Variants in TBC1D22A observed in about 807,000 individuals in gnomAD.
The protein encoded by TBC1D22A is TBC1 domain family member 22A, also known as putative GTPase activator.
Under a neutral mutation model 60.2 loss-of-function variants are expected in TBC1D22A, and 38 were observed. That is an observed-to-expected ratio of 0.63 (90% CI 0.49 to 0.83). The LOEUF (loss-of-function observed/expected upper bound fraction) is 0.83, where lower values mean the gene tolerates loss of function less well. TBC1D22A is among the 40% of genes least tolerant of loss of function. The probability of loss-of-function intolerance (pLI) is 0.00; values close to 1 mark genes in which losing one functional copy is unlikely to be tolerated. For missense variants in TBC1D22A, 628 were observed against 701.0 expected (o/e 0.90, Z 1.18); for synonymous variants, 302 against 281.7 (o/e 1.07, Z -0.72).
chr22:46,810,751 C>G (rs948781142), intron 4 of TBC1D22A, among the ~76,000 whole-genome samples: 3 of 152,122 alleles, frequency 2.0e-5, no homozygotes, highest in African/African-American at 7.2e-5. Flanking sequence ...ACAATAATTA[C>G]ATAATTGGCG....
chr22:46,926,812 A>G (rs1185991778), intron 8 of TBC1D22A, among the ~76,000 whole-genome samples: 1 of 152,188 alleles, frequency 6.6e-6, no homozygotes, highest in Non-Finnish European at 1.5e-5. Context: ...AGTCCCTACA[A>G]TTGTGTGAGC....
At chr22:46,784,318 C>G (rs1474181153) in intron 1 of TBC1D22A, among the ~76,000 whole-genome samples, 2 of 152,148 alleles carry the variant, frequency 1.3e-5, no homozygotes, top group African/African-American at 4.8e-5. Flanking sequence ...CCGCCAGCCT[C>G]CCAAAGTGCT....
At chr22:46,989,547 G>A (rs980475689) in intron 9 of TBC1D22A, among the ~76,000 whole-genome samples, 11 of 152,250 alleles carry the variant, frequency 7.2e-5, no homozygotes, top group Admixed American at 5.2e-4. Context: ...AGGAAGGCCC[G>A]AGGAGAGGGA....
intron 4 of TBC1D22A, among the ~76,000 whole-genome samples, chr22:46,827,878 G>C (rs16995758): frequency 0.031 from 4,690 of 152,250 alleles, 232 homozygotes; most frequent in African/African-American, 0.1. Flanking sequence ...TCTCAACCAC[G>C]TGAGCAGCGT....
At chr22:47,072,425 G>A (rs1264787665) in intron 11 of TBC1D22A, among the ~76,000 whole-genome samples, 1 of 152,268 alleles carries the variant, frequency 6.6e-6, no homozygotes, top group Non-Finnish European at 1.5e-5. Context: ...CAGCAGTGCA[G>A]TGCCTGGGCC....
At chr22:46,790,122 G>A (rs983428988) in intron 1 of TBC1D22A, among the ~76,000 whole-genome samples, 19 of 151,796 alleles carry the variant, frequency 1.3e-4, no homozygotes, top group African/African-American at 4.1e-4. Flanking sequence ...TGTGGGTCTC[G>A]CTGGGCTAAC....
intron 5 of TBC1D22A, among the ~76,000 whole-genome samples, chr22:46,890,826 A>G (rs1338469860): frequency 6.6e-6 from 1 of 151,688 alleles, no homozygotes; most frequent in Non-Finnish European, 1.5e-5. Flanking sequence ...ATGCGTGTAT[A>G]TGTGTGTGTG....
At chr22:47,120,015 TA>T (rs2066215131) in intron 12 of TBC1D22A, among the ~76,000 whole-genome samples, 2 of 152,008 alleles carry the variant, frequency 1.3e-5, no homozygotes, top group African/African-American at 4.8e-5. Context: ...TATTATAAAA[TA>T]AAAAATATCC....
intron 10 of TBC1D22A, among the ~76,000 whole-genome samples, chr22:47,035,161 C>T (rs1028586876): frequency 2.6e-5 from 4 of 152,232 alleles, no homozygotes; most frequent in African/African-American, 9.6e-5. Flanking sequence ...GAGCAGATGC[C>T]ATCTGGAGGA....
At chr22:46,953,302 G>A (rs889025063) in intron 8 of TBC1D22A, among the ~76,000 whole-genome samples, 1 of 152,104 alleles carries the variant, frequency 6.6e-6, no homozygotes. Context: ...TGGCCCCTGG[G>A]TTCCATGACA....
intron 4 of TBC1D22A, among the ~76,000 whole-genome samples, chr22:46,829,664 G>T (rs142232123): frequency 6.6e-6 from 1 of 152,236 alleles, no homozygotes; most frequent in African/African-American, 2.4e-5. Flanking sequence ...TTTGCCCAAG[G>T]TAGGGAATGC....
At chr22:47,031,060 C>G (rs139376492) in intron 10 of TBC1D22A, among the ~76,000 whole-genome samples, 2 of 152,356 alleles carry the variant, frequency 1.3e-5, no homozygotes, top group African/African-American at 2.4e-5. Context: ...CAGAATCAAG[C>G]CAGCTTAGCC....
At chr22:46,862,452 GCTTC>G (rs1217273032) in intron 4 of TBC1D22A, among the ~76,000 whole-genome samples, 1 of 151,572 alleles carries the variant, frequency 6.6e-6, no homozygotes, top group Non-Finnish European at 1.5e-5. Context: ...GCCCCCTCTT[GCTTC>G]TGTTCTCAGG....
At chr22:47,135,369 G>T (rs1338490194) in intron 12 of TBC1D22A, among the ~76,000 whole-genome samples, 2 of 152,214 alleles carry the variant, frequency 1.3e-5, no homozygotes, top group African/African-American at 4.8e-5. Context: ...TCTGGGCATG[G>T]AGGTCCCAGG....
chr22:47,003,418 TACCCTAC>T (rs2061459786), intron 10 of TBC1D22A, among the ~76,000 whole-genome samples: 3 of 103,708 alleles, frequency 2.9e-5, no homozygotes, highest in Admixed American at 9.0e-5. Flanking sequence ...TGTACACACA[TACCCTAC>T]GCACACATGC....
chr22:46,801,758 G>A (rs1262916374), intron 4 of TBC1D22A, among the ~76,000 whole-genome samples: 3 of 152,230 alleles, frequency 2.0e-5, no homozygotes, highest in African/African-American at 7.2e-5. Flanking sequence ...ACGACGACCC[G>A]TCCGTCAAGG....
At chr22:46,911,226 G>A (rs1341572341) in intron 7 of TBC1D22A, among the ~76,000 whole-genome samples, 1 of 152,134 alleles carries the variant, frequency 6.6e-6, no homozygotes, top group African/African-American at 2.4e-5. Context: ...GAGTATTGGA[G>A]GGAGGAGGCC....
rs551116398 is a variant in TBC1D22A at position 46,850,722 on chromosome 22, A to G, written c.638-27931A>G. 2.6e-5 allele frequency among the ~76,000 whole-genome samples: 4 copies of G among 152,212 alleles called. No homozygotes were observed. The South Asian group carries it at 6.2e-4, about 24-fold the overall frequency. ...ATATTCCCGAGAGAAATGAAAACCCATGTCCACATACAGACTTGTACATGA... is the reference window on the plus strand; with the variant it reads ...ATATTCCCGAGAGAAATGAAAACCCGTGTCCACATACAGACTTGTACATGA... On this transcript the variant is annotated intron_variant, in intron 4 of 12. Coordinates refer to ENST00000337137, the MANE Select transcript of TBC1D22A (RefSeq NM_014346.5).
chr22:47,003,725 CT>C (rs2061478729), intron 10 of TBC1D22A, among the ~76,000 whole-genome samples: 2 of 142,440 alleles, frequency 1.4e-5, no homozygotes, highest in Admixed American at 6.9e-5. Context: ...TATACACACA[CT>C]CTACACACAC....
Sources: gnomAD v4.1 joint callset for allele counts (sites outside exome capture counted in the v4.1 genomes callset) on GRCh38, gnomAD v4.1.1 for gene constraint, MANE v1.5 for transcripts, NCBI Gene and HGNC (gene_info 2026-07-23, HGNC 2026-07-21) for gene names.